The following RELN variants were observed in gnomAD, a reference collection of about 807,000 sequenced individuals.
RELN encodes reelin.
In RELN, 108 loss-of-function variants were observed where a neutral mutation model predicts 427.6. That is an observed-to-expected ratio of 0.25 (90% confidence interval 0.22 to 0.30). The LOEUF (loss-of-function observed/expected upper bound fraction) is 0.30, where lower values mean the gene tolerates loss of function less well. Among genes scored for constraint, RELN ranks in the 10% least tolerant of loss-of-function variants. RELN has a pLI of 1.00. For missense variants in RELN, 3,715 were observed against 4,302.8 expected (o/e 0.86, Z 3.82); for synonymous variants, 1,524 against 1,513.4 (o/e 1.01, Z -0.16).
Position 103,489,924 on chromosome 7 carries a change from G to C in RELN, c.9606-25C>G, listed in dbSNP as rs753285170. On this transcript the variant is annotated intron_variant, in intron 59 of 64. Coordinates refer to ENST00000428762, the MANE Select transcript of RELN (RefSeq NM_005045.4). ...ACTGAAAGAACCACAGAGAGCAGAA[G>C]GGATTCAGTAGGTTGTTACTTCCAT... 6.8e-6 allele frequency: 11 copies of C among 1,613,570 alleles called. No homozygotes were observed. The African/African-American group carries it at 1.5e-4, about 22-fold the overall frequency.
intron 6 of RELN, among the ~76,000 whole-genome samples, chr7:103,741,968 C>T (rs954840565): frequency 1.3e-5 from 2 of 152,078 alleles, no homozygotes; most frequent in African/African-American, 4.8e-5. Flanking sequence ...AGACTGACTC[C>T]TCAAGTGGGT....
At chr7:103,525,151 C>T (rs1424595405) in intron 46 of RELN, among the ~76,000 whole-genome samples, 1 of 152,042 alleles carries the variant, frequency 6.6e-6, no homozygotes, top group African/African-American at 2.4e-5. Context: ...TCTCTTTCTG[C>T]CTGGTTAACC....
chr7:103,483,153 C>G lies in RELN; in HGVS notation c.10182-182G>C, dbSNP rs116191662. Among the ~76,000 whole-genome samples the G allele has an allele frequency of 0.014, 2,198 of 152,276 alleles. 59 individuals carry two copies. Among genetic ancestry groups the G allele is most frequent in the African/African-American group, 0.051 (2,102 of 41,554 alleles). ...GCAGCATTAAATTTTATTGGCTACT[C>G]AAGGACTTGTAAAACTTTTCCATCT... On this transcript the variant is annotated intron_variant, in intron 62 of 64. Coordinates refer to ENST00000428762, the MANE Select transcript of RELN (RefSeq NM_005045.4).
intron 3 of RELN, among the ~76,000 whole-genome samples, chr7:103,803,894 TTAAAGGTGGAAATTTTTA>T (rs1182297725): frequency 6.6e-6 from 1 of 152,076 alleles, no homozygotes; most frequent in Non-Finnish European, 1.5e-5. Context: ...CTAGATATTT[TTAAAGGTGGAAATTTTTA>T]TAAAGGGTGG....
At chr7:103,687,851 T>C (rs1833795042) in intron 10 of RELN, among the ~76,000 whole-genome samples, 1 of 152,132 alleles carries the variant, frequency 6.6e-6, no homozygotes, top group Non-Finnish European at 1.5e-5. Flanking sequence ...TTATCAAAAT[T>C]AGTTGTTTCT....
At chr7:103,962,649 TGTGTG>T (rs1410657321) in intron 1 of RELN, among the ~76,000 whole-genome samples, 111 of 18,646 alleles carry the variant, frequency 6.0e-3, no homozygotes, top group African/African-American at 0.057. Flanking sequence ...AAAGTTGTTG[TGTGTG>T]TGTGTGTGTG....
chr7:103,975,518 TTTA>T (rs1563120285), intron 1 of RELN, among the ~76,000 whole-genome samples: 6,561 of 143,208 alleles, frequency 0.046, 214 homozygotes, highest in Middle Eastern at 0.085. Context: ...TGGAGCAGTA[TTTA>T]TTTATTTATT....
At chr7:103,491,827 C>CTT (rs1828664802) in intron 58 of RELN, 126 bp downstream of exon 58, 14 of 391,466 alleles carry the variant, frequency 3.6e-5, no homozygotes, top group South Asian at 3.4e-4. Context: ...GAAACTGTCT[C>CTT]TCTCTCTCTC....
chr7:103,779,902 A>G (rs1177745597), intron 3 of RELN, among the ~76,000 whole-genome samples: 3 of 152,002 alleles, frequency 2.0e-5, no homozygotes, highest in Non-Finnish European at 4.4e-5. Context: ...TAATTTTTGT[A>G]TTTTTAGTAG....
intron 8 of RELN, among the ~76,000 whole-genome samples, chr7:103,720,824 A>C (rs1366522127): frequency 1.3e-5 from 2 of 152,122 alleles, no homozygotes; most frequent in Admixed American, 1.3e-4. Flanking sequence ...GAATGATGTC[A>C]CACCCTTATA....
intron 28 of RELN, among the ~76,000 whole-genome samples, chr7:103,580,602 G>A (rs1434315554): frequency 6.6e-6 from 1 of 151,966 alleles, no homozygotes; most frequent in Non-Finnish European, 1.5e-5. Context: ...AATAGTTTTT[G>A]GGGGTACAGG....
intron 51 of RELN, among the ~76,000 whole-genome samples, chr7:103,510,611 C>T (rs537983247): frequency 6.6e-6 from 1 of 151,904 alleles, no homozygotes; most frequent in African/African-American, 2.4e-5. Flanking sequence ...GCACGTGTAT[C>T]CCAAAACTTA....
chr7:103,974,050 C>A (rs994622628), intron 1 of RELN, among the ~76,000 whole-genome samples: 1 of 152,064 alleles, frequency 6.6e-6, no homozygotes, highest in Non-Finnish European at 1.5e-5. Flanking sequence ...GGCTGAGGCA[C>A]AAGAATTGCT....
At chr7:103,891,544 T>A (rs1350079303) in intron 2 of RELN, among the ~76,000 whole-genome samples, 1 of 152,102 alleles carries the variant, frequency 6.6e-6, no homozygotes, top group Non-Finnish European at 1.5e-5. Flanking sequence ...TATTCCCAGC[T>A]TTTTGGCGAA....
At chr7:103,922,010 T>C (rs1252591381) in intron 1 of RELN, among the ~76,000 whole-genome samples, 3 of 152,138 alleles carry the variant, frequency 2.0e-5, no homozygotes. Flanking sequence ...AGAGTTTGGC[T>C]CAAGGGAGAA....
At chr7:103,794,822 T>A (rs1792259572) in intron 3 of RELN, among the ~76,000 whole-genome samples, 1 of 152,074 alleles carries the variant, frequency 6.6e-6, no homozygotes, top group African/African-American at 2.4e-5. Flanking sequence ...AACAAAAAAA[T>A]GTCTCCAGAT....
intron 3 of RELN, among the ~76,000 whole-genome samples, chr7:103,826,320 ATG>A (rs71154374): frequency 0.018 from 2,158 of 122,004 alleles, 37 homozygotes; most frequent in East Asian, 0.064. Flanking sequence ...GACTAAGACA[ATG>A]TGTGTGTGTG....
intron 51 of RELN, among the ~76,000 whole-genome samples, chr7:103,505,738 T>A (rs1200208852): frequency 4.6e-5 from 7 of 152,160 alleles, no homozygotes; most frequent in East Asian, 1.9e-4. Context: ...GAGAATGAGT[T>A]TGGCAAATTG....
chr7:103,488,338 C>A (rs1466195833), intron 60 of RELN, among the ~76,000 whole-genome samples: 8 of 152,224 alleles, frequency 5.3e-5, no homozygotes, highest in Admixed American at 3.9e-4. Flanking sequence ...TTAATAGTTT[C>A]AAATTAAGGT....
Sources: gnomAD v4.1 joint callset for allele counts (sites outside exome capture counted in the v4.1 genomes callset) on GRCh38, gnomAD v4.1.1 for gene constraint, MANE v1.5 for transcripts, NCBI Gene and HGNC (gene_info 2026-07-23, HGNC 2026-07-21) for gene names.